The following STAU1 variants were observed in gnomAD, a reference collection of about 807,000 sequenced individuals.
STAU1 encodes double-stranded RNA-binding protein Staufen homolog 1.
Under a neutral mutation model 62.9 loss-of-function variants are expected in STAU1, and 13 were observed. The observed-to-expected ratio is 0.21, with a 90% confidence interval of 0.13 to 0.33. The LOEUF (loss-of-function observed/expected upper bound fraction) is 0.33, where lower values mean the gene tolerates loss of function less well. Among genes scored for constraint, STAU1 ranks in the 10% least tolerant of loss-of-function variants. The pLI is 1.00. For synonymous variants in STAU1, 269 were observed against 265.1 expected, an observed-to-expected ratio of 1.01 and a Z score of -0.14; for missense variants, 571 against 712.1, an observed-to-expected ratio of 0.80 and a Z score of 2.25.
At chr20:49,121,717 T>TTTA (rs2092468926) in intron 8 of STAU1, among the ~76,000 whole-genome samples, 1 of 152,216 alleles carries the variant, frequency 6.6e-6, no homozygotes, top group Non-Finnish European at 1.5e-5. Flanking sequence ...GTCAGTAAAA[T>TTTA]TTATAACACA....
chr20:49,170,069 G>A (rs867621770), intron 2 of STAU1, among the ~76,000 whole-genome samples: 3 of 152,238 alleles, frequency 2.0e-5, no homozygotes, highest in Middle Eastern at 3.4e-3. Flanking sequence ...GCACATGAGC[G>A]CTACGAAAGT....
In STAU1 at chr20:49,186,300, C is replaced by T. The variant is rs142775315; in HGVS notation, c.-160+1816G>A. On this transcript the variant is annotated intron_variant, in intron 1 of 13. Transcript: ENST00000371856. ...GGCAGAGGTTGAAATGAGCCGAAAT[C>T]GCGCCACTGCACTCCAGCCTGGGCG... 8.4e-4 allele frequency among the ~76,000 whole-genome samples: 127 copies of T among 151,284 alleles called. 3 individuals are homozygous for T. The East Asian group carries it at 0.022, about 26-fold the overall frequency.
At chr20:49,202,856 C>A in the STAU1 span, among the ~76,000 whole-genome samples, 1 of 151,898 alleles carries the variant, frequency 6.6e-6, no homozygotes, top group Non-Finnish European at 1.5e-5. Context: ...GCCTGGCCAA[C>A]ATGGTGAAAC....
the STAU1 span, among the ~76,000 whole-genome samples, chr20:49,204,621 TATGTGTATATATATATATATA>T: frequency 2.1e-4 from 10 of 48,770 alleles, no homozygotes; most frequent in East Asian, 8.7e-4. Context: ...TATATATATA[TATGTGTATATATATATATATA>T]TATATTTTTT....
At chr20:49,197,211 G>A in the STAU1 span, among the ~76,000 whole-genome samples, 1 of 149,032 alleles carries the variant, frequency 6.7e-6, no homozygotes, top group African/African-American at 2.5e-5. Context: ...CCTAAGCTTG[G>A]CTAAATAAGT....
chr20:49,137,197 T>C (rs1252435054), intron 5 of STAU1, among the ~76,000 whole-genome samples: 1 of 151,886 alleles, frequency 6.6e-6, no homozygotes, highest in Non-Finnish European at 1.5e-5. Context: ...AAGAAATAAA[T>C]AAGGATGCGA....
chr20:49,121,862 T>C (rs909243295), intron 8 of STAU1, among the ~76,000 whole-genome samples: 1 of 152,324 alleles, frequency 6.6e-6, no homozygotes, highest in East Asian at 1.9e-4. Context: ...TCCAAGTTGA[T>C]TGTAATAACA....
intron 2 of STAU1, among the ~76,000 whole-genome samples, chr20:49,171,364 A>G (rs1357707265): frequency 2.0e-5 from 3 of 152,182 alleles, no homozygotes; most frequent in Admixed American, 2.0e-4. Flanking sequence ...GCACGATCTC[A>G]GCTCACTGCA....
At chr20:49,123,339 C>T (rs1450588320) in intron 7 of STAU1, 104 bp from the exon 8 acceptor site, 13 of 1,428,758 alleles carry the variant, frequency 9.1e-6, no homozygotes, top group African/African-American at 2.9e-5. Flanking sequence ...TTGGGTTGAC[C>T]TAATGGCTCA....
At chr20:49,201,513 G>A in the STAU1 span, among the ~76,000 whole-genome samples, 129 of 151,486 alleles carry the variant, frequency 8.5e-4, no homozygotes, top group East Asian at 0.017. Context: ...GGGCTGAGGC[G>A]GGAGGATCAC....
At chr20:49,184,252 C>T (rs774238781) in intron 1 of STAU1, among the ~76,000 whole-genome samples, 4 of 151,982 alleles carry the variant, frequency 2.6e-5, no homozygotes, top group African/African-American at 7.3e-5. Flanking sequence ...TGCACTGCAG[C>T]CTGGGTGACA....
At chr20:49,174,589 C>T (rs1329458027) in intron 1 of STAU1, among the ~76,000 whole-genome samples, 2 of 151,734 alleles carry the variant, frequency 1.3e-5, no homozygotes, top group Non-Finnish European at 1.5e-5. Flanking sequence ...GGCATGGTGG[C>T]TCATGCCTGT....
chr20:49,219,275 A>C, the STAU1 span: 1 of 1,421,922 alleles, frequency 7.0e-7, no homozygotes, highest in South Asian at 1.4e-5. Flanking sequence ...CACGAAACCA[A>C]CCACGCCCCA....
chr20:49,186,952 A>T (rs1049501634), intron 1 of STAU1, among the ~76,000 whole-genome samples: 1 of 152,144 alleles, frequency 6.6e-6, no homozygotes, highest in Non-Finnish European at 1.5e-5. Flanking sequence ...ACTTCCACAC[A>T]AGCAATACTG....
intron 5 of STAU1, among the ~76,000 whole-genome samples, chr20:49,148,359 T>C (rs1305008533): frequency 3.3e-5 from 5 of 152,188 alleles, no homozygotes; most frequent in Non-Finnish European, 5.9e-5. Context: ...ATAAGGTGTA[T>C]ACGAAACACA....
At chr20:49,216,217 C>T in the STAU1 span, among the ~76,000 whole-genome samples, 2 of 150,062 alleles carry the variant, frequency 1.3e-5, no homozygotes, top group African/African-American at 5.0e-5. Flanking sequence ...TGGCAAGACC[C>T]TTATATCTTA....
rs914280477 is a variant in STAU1 at position 49,114,435 on chromosome 20, G to C, written c.*443C>G. 6.1e-6 allele frequency: 1 copy of C among 164,810 alleles called. No individual in the cohort carries two copies. Among genetic ancestry groups the C allele is most frequent in the African/African-American group, 2.4e-5 (1 of 41,952 alleles). The allele number at this position is 164,810 out of a possible 1,614,324, so 10.2% of individuals were successfully genotyped here. A position where few individuals can be genotyped will look rare whatever the true frequency, so the allele number is the denominator to read the frequency against. On this transcript the variant is annotated 3_prime_UTR_variant, in exon 14 of 14. Transcript: ENST00000371856. ...ATTTTCTCTGGTGCTTTTAGCTCTG[G>C]GGCCGGTCAAAGGCCTCTCTCTGGC...
intron 12 of STAU1, among the ~76,000 whole-genome samples, 162 bp downstream of exon 12, chr20:49,116,964 C>CA (rs974926621): frequency 5.3e-5 from 8 of 152,128 alleles, no homozygotes; most frequent in African/African-American, 1.9e-4. Flanking sequence ...TCAGCTATGA[C>CA]AAAAAGTCTT....
chr20:49,147,781 T>C (rs2093160178), intron 5 of STAU1, among the ~76,000 whole-genome samples: 2 of 152,240 alleles, frequency 1.3e-5, no homozygotes, highest in Non-Finnish European at 2.9e-5. Flanking sequence ...CTTAGGTGTG[T>C]GCTGAATTTG....
Sources: gnomAD v4.1 joint callset for allele counts (sites outside exome capture counted in the v4.1 genomes callset) on GRCh38, gnomAD v4.1.1 for gene constraint, MANE v1.5 for transcripts, NCBI Gene and HGNC (gene_info 2026-07-23, HGNC 2026-07-21) for gene names.